LINGO2: variants seen among roughly 807,000 people sequenced by gnomAD.
The protein encoded by LINGO2 is leucine rich repeat and Ig domain containing 2, also known as leucine-rich repeat and immunoglobulin-like domain-containing nogo receptor-interacting protein 2.
LINGO2 carries 14 observed loss-of-function variants against 30.6 expected under a neutral mutation model. That is an observed-to-expected ratio of 0.46 (90% CI 0.30 to 0.72). LINGO2 has a LOEUF of 0.72. LINGO2 is among the 30% of genes least tolerant of loss of function. The pLI is 0.07. For synonymous variants in LINGO2, 317 were observed against 288.5 expected, an observed-to-expected ratio of 1.10 and a Z score of -1.00; for missense variants, 729 against 751.7, an observed-to-expected ratio of 0.97 and a Z score of 0.35.
At chr9:28,621,629 T>C (rs1178211718) in intron 1 of LINGO2, among the ~76,000 whole-genome samples, 9 of 152,026 alleles carry the variant, frequency 5.9e-5, no homozygotes, top group Non-Finnish European at 8.8e-5. Flanking sequence ...TGGCATGGTG[T>C]CTTTTAACTC....
the LINGO2 span, among the ~76,000 whole-genome samples, chr9:29,200,685 T>C: frequency 2.6e-5 from 4 of 152,124 alleles, 1 homozygote; most frequent in Admixed American, 2.6e-4. Flanking sequence ...AAAAGTTACA[T>C]TGCCGTTAAC....
chr9:28,470,232 A>G (rs1825467787), intron 2 of LINGO2, among the ~76,000 whole-genome samples: 2 of 152,224 alleles, frequency 1.3e-5, no homozygotes, highest in Admixed American at 6.5e-5. Flanking sequence ...GAAAACTGTT[A>G]AAGTTGTAAA....
At chr9:28,986,054 C>G in the LINGO2 span, among the ~76,000 whole-genome samples, 1 of 151,762 alleles carries the variant, frequency 6.6e-6, no homozygotes, top group East Asian at 1.9e-4. Context: ...GAGATGAGTC[C>G]ACTTTCATTT....
chr9:28,330,908 T>C (rs1825395520), intron 3 of LINGO2, among the ~76,000 whole-genome samples: 2 of 152,256 alleles, frequency 1.3e-5, no homozygotes, highest in East Asian at 3.9e-4. Context: ...ATTCAAAAAA[T>C]AAGACAGATT....
At chr9:29,187,471 C>G in the LINGO2 span, among the ~76,000 whole-genome samples, 2 of 152,174 alleles carry the variant, frequency 1.3e-5, no homozygotes. Flanking sequence ...TTCACTCTGT[C>G]ATTAAATTTT....
At chr9:28,414,728 C>T (rs1822902464) in intron 2 of LINGO2, among the ~76,000 whole-genome samples, 1 of 152,024 alleles carries the variant, frequency 6.6e-6, no homozygotes. Flanking sequence ...GCTGATTGCC[C>T]TACAGCCTCC....
intron 2 of LINGO2, among the ~76,000 whole-genome samples, chr9:28,448,916 A>G (rs1587690038): frequency 6.6e-6 from 1 of 152,154 alleles, no homozygotes; most frequent in South Asian, 2.1e-4. Flanking sequence ...AAGGGAACAA[A>G]GAAAAGCATT....
chr9:28,508,401 T>C (rs937634524), intron 1 of LINGO2, among the ~76,000 whole-genome samples: 19 of 152,108 alleles, frequency 1.2e-4, no homozygotes, highest in African/African-American at 4.6e-4. Flanking sequence ...CCTTTAGGCA[T>C]GCACTAAATA....
intron 4 of LINGO2, among the ~76,000 whole-genome samples, chr9:28,191,767 CCTT>C (rs1321644346): frequency 1.3e-5 from 2 of 152,098 alleles, no homozygotes; most frequent in Non-Finnish European, 1.5e-5. Flanking sequence ...TTTAACCTCT[CCTT>C]CTTTCTTGAA....
chr9:28,307,001 C>T (rs1242658549), intron 3 of LINGO2, among the ~76,000 whole-genome samples: 3 of 151,988 alleles, frequency 2.0e-5, no homozygotes, highest in African/African-American at 7.3e-5. Flanking sequence ...ACCAGAGGTA[C>T]AAGGAGGAAC....
intron 4 of LINGO2, among the ~76,000 whole-genome samples, chr9:28,118,567 G>A (rs548292955): frequency 1.3e-5 from 2 of 152,188 alleles, no homozygotes; most frequent in African/African-American, 4.8e-5. Flanking sequence ...TTGAGAGTGG[G>A]CATTATGAGA....
At chr9:28,229,354 T>A (rs1821279006) in intron 4 of LINGO2, among the ~76,000 whole-genome samples, 1 of 151,728 alleles carries the variant, frequency 6.6e-6, no homozygotes, top group South Asian at 2.1e-4. Context: ...AGACAATTAA[T>A]AAAAGTCTAT....
chr9:28,400,297 A>T (rs1447773805), intron 2 of LINGO2, among the ~76,000 whole-genome samples: 1 of 152,132 alleles, frequency 6.6e-6, no homozygotes, highest in South Asian at 2.1e-4. Flanking sequence ...GAATTTTCCT[A>T]AGTTCCAGTT....
chr9:27,971,064 A>G (rs1356806077), intron 5 of LINGO2, among the ~76,000 whole-genome samples: 2 of 151,962 alleles, frequency 1.3e-5, no homozygotes, highest in Non-Finnish European at 2.9e-5. Context: ...GCCCCTAGCA[A>G]ATGGTGGTTC....
chr9:28,821,619 A>G, the LINGO2 span, among the ~76,000 whole-genome samples: 2 of 152,206 alleles, frequency 1.3e-5, 1 homozygote, highest in South Asian at 4.1e-4. Flanking sequence ...CTGGAGTTAG[A>G]GAACAATAGG....
the LINGO2 span, among the ~76,000 whole-genome samples, chr9:29,107,920 C>A: frequency 6.6e-6 from 1 of 150,630 alleles, no homozygotes; most frequent in Admixed American, 6.6e-5. Context: ...AAAAAACAAA[C>A]CAAAATACTG....
At chr9:28,428,571 G>A (rs1417063144) in intron 2 of LINGO2, among the ~76,000 whole-genome samples, 1 of 152,028 alleles carries the variant, frequency 6.6e-6, no homozygotes, top group Non-Finnish European at 1.5e-5. Context: ...AATGCAGCGG[G>A]GTTTTCAGTC....
intron 4 of LINGO2, among the ~76,000 whole-genome samples, chr9:28,184,905 A>C (rs1393111468): frequency 6.6e-6 from 1 of 152,140 alleles, no homozygotes; most frequent in Non-Finnish European, 1.5e-5. Context: ...GAGCATACTA[A>C]TGATACGGTG....
chr9:28,351,615 A>T (rs1246243143), intron 3 of LINGO2, among the ~76,000 whole-genome samples: 10 of 142,028 alleles, frequency 7.0e-5, no homozygotes, highest in Admixed American at 3.6e-4. Context: ...ATTCCAATCA[A>T]TAGAAAAAGA....
Sources: allele counts gnomAD v4.1 joint callset (sites outside exome capture counted in the v4.1 genomes callset), GRCh38; gene constraint gnomAD v4.1.1; transcripts MANE v1.5; gene names NCBI Gene and HGNC (gene_info 2026-07-23, HGNC 2026-07-21).